Variants in HECW1 observed in about 807,000 individuals in gnomAD.
The protein encoded by HECW1 is E3 ubiquitin-protein ligase HECW1.
Under a neutral mutation model 182.3 loss-of-function variants are expected in HECW1, and 61 were observed. That is an observed-to-expected ratio of 0.33 (90% CI 0.27 to 0.41). HECW1 has a LOEUF of 0.41. Among genes scored for constraint, HECW1 ranks in the 10% least tolerant of loss-of-function variants. HECW1 has a pLI of 1.00. For synonymous variants in HECW1, 859 were observed against 832.6 expected (o/e 1.03, Z -0.55); for missense variants, 1,739 against 2,108.9 (o/e 0.82, Z 3.44).
chr7:43,221,466 GC>G (rs1584036257), intron 2 of HECW1, among the ~76,000 whole-genome samples: 2 of 144,864 alleles, frequency 1.4e-5, no homozygotes, highest in Non-Finnish European at 1.5e-5. Context: ...ATCTCTTAAA[GC>G]CTGTAATGCT....
intron 5 of HECW1, among the ~76,000 whole-genome samples, chr7:43,349,899 G>A (rs970183881): frequency 1.3e-5 from 2 of 152,018 alleles, no homozygotes; most frequent in Non-Finnish European, 2.9e-5. Context: ...GTTCTTTGTT[G>A]CCTGTGTACT....
chr7:43,389,682 C>T (rs1452572641), intron 6 of HECW1, among the ~76,000 whole-genome samples: 1 of 151,940 alleles, frequency 6.6e-6, no homozygotes, highest in Non-Finnish European at 1.5e-5. Context: ...ATTCTGTCAC[C>T]CAGGCTGGAG....
At chr7:43,383,002 A>G (rs1220048524) in intron 6 of HECW1, among the ~76,000 whole-genome samples, 1 of 151,466 alleles carries the variant, frequency 6.6e-6, no homozygotes, top group African/African-American at 2.4e-5. Context: ...TCATTTTTCA[A>G]CTCCCACTTA....
chr7:43,356,081 T>C (rs573329201), intron 5 of HECW1, among the ~76,000 whole-genome samples: 105 of 152,100 alleles, frequency 6.9e-4, no homozygotes, highest in Non-Finnish European at 6.0e-4. Flanking sequence ...AATATAAATA[T>C]GCTCAATTCT....
intron 26 of HECW1, among the ~76,000 whole-genome samples, chr7:43,544,886 AT>A (rs1315188113): frequency 6.6e-6 from 1 of 152,246 alleles, no homozygotes; most frequent in East Asian, 1.9e-4. Flanking sequence ...CTAAATTGGC[AT>A]GAAAAATGTC....
rs542630589 is a variant in HECW1, at chr7:43,499,480, A to G, written c.3438-1219A>G. ...CAAGACTCTGTCTCAAAAAAAAAAG[A>G]AAGAAAGAAAGAAAGAAAACAAAAG... On this transcript the variant is annotated intron_variant, in intron 19 of 29. Coordinates refer to ENST00000395891, the MANE Select transcript of HECW1 (RefSeq NM_015052.5). Among the ~76,000 whole-genome samples the G allele has an allele frequency of 1.9e-4, 27 of 143,048 alleles. No homozygotes were observed. The East Asian group carries it at 4.6e-3, about 24-fold the overall frequency. 93.8% of individuals were successfully genotyped at this position (143,048 alleles called of 152,430 possible). A position where few individuals can be genotyped will look rare whatever the true frequency, so the allele number is the denominator to read the frequency against.
At position 43,330,077 on chromosome 7, in the gene HECW1, C is replaced by G. The variant is rs903268555; in HGVS notation, c.460+9335C>G. Among the ~76,000 whole-genome samples the G allele has an allele frequency of 2.6e-5, 4 of 152,118 alleles. No homozygotes were observed. The East Asian group carries it at 7.7e-4, about 29-fold the overall frequency. ...ATGGAGTTAGGCAGGTTAAGGGTGG[C>G]CATAAATTCCCTGATGCTCCTCCTA... On this transcript the variant is annotated intron_variant, in intron 5 of 29. Transcript: ENST00000395891.
intron 3 of HECW1, among the ~76,000 whole-genome samples, chr7:43,304,664 T>C (rs1446797671): frequency 2.0e-5 from 3 of 152,060 alleles, no homozygotes; most frequent in Non-Finnish European, 2.9e-5. Context: ...GCTAATTTTT[T>C]TGTATTTTTA....
chr7:43,265,472 A>G (rs1801673434), intron 3 of HECW1, among the ~76,000 whole-genome samples: 1 of 152,212 alleles, frequency 6.6e-6, no homozygotes, highest in Non-Finnish European at 1.5e-5. Flanking sequence ...ATCAGATAAC[A>G]TAAGTTTATG....
chr7:43,411,348 C>T (rs1193144480), intron 8 of HECW1, among the ~76,000 whole-genome samples: 2 of 152,090 alleles, frequency 1.3e-5, no homozygotes, highest in African/African-American at 4.8e-5. Flanking sequence ...AGAACATACT[C>T]TATATGATTG....
intron 2 of HECW1, among the ~76,000 whole-genome samples, chr7:43,124,004 G>T (rs1308500090): frequency 1.3e-5 from 2 of 152,212 alleles, no homozygotes; most frequent in East Asian, 3.8e-4. Context: ...AACCCAAATT[G>T]TATCTACAGG....
At chr7:43,560,507 G>C (rs1034254469) in intron 29 of HECW1, among the ~76,000 whole-genome samples, 1 of 152,044 alleles carries the variant, frequency 6.6e-6, no homozygotes, top group Admixed American at 6.6e-5. Flanking sequence ...CTGCCAGGAG[G>C]AGGAATGGGT....
At chr7:43,319,608 T>C (rs1809829001) in intron 4 of HECW1, among the ~76,000 whole-genome samples, 1 of 107,182 alleles carries the variant, frequency 9.3e-6, no homozygotes, top group African/African-American at 4.5e-5. Context: ...TTTCTTTTTT[T>C]TTTTTTTTTT....
At chr7:43,166,179 G>T (rs1466277414) in intron 2 of HECW1, among the ~76,000 whole-genome samples, 1 of 152,186 alleles carries the variant, frequency 6.6e-6, no homozygotes, top group Non-Finnish European at 1.5e-5. Flanking sequence ...TGCCTCCTGG[G>T]TTCAAGCAAT....
chr7:43,541,260 C>T lies in HECW1; in HGVS notation c.4117C>T (p.Leu1373=). The change falls in exon 25 of 30, where the codon CTG becomes TTG. Residue 1373 remains leucine (L), a splice_region_variant and synonymous_variant. Transcript: ENST00000395891. ...GCCCTTCTACAAGGCACTCCTGAGA[C>T]TGTAAGTGCTTTGCAGACCATGCTT... ...TRPFYKALLR[L]PCDLSDLEYL... The T allele has an allele frequency of 6.2e-7, 1 of 1,611,058 alleles. No homozygotes were observed. The highest frequency in any genetic ancestry group is 8.5e-7 in the Non-Finnish European group (1 of 1,177,216).
At chr7:43,407,259 T>C (rs988663860) in intron 7 of HECW1, among the ~76,000 whole-genome samples, 1 of 152,170 alleles carries the variant, frequency 6.6e-6, no homozygotes, top group African/African-American at 2.4e-5. Context: ...TTCTCTCACC[T>C]TACTCAGTGA....
chr7:43,477,012 G>A (rs977422871), intron 16 of HECW1, among the ~76,000 whole-genome samples: 1 of 152,032 alleles, frequency 6.6e-6, no homozygotes, highest in African/African-American at 2.4e-5. Flanking sequence ...TTAACATCCC[G>A]ACAACAATAG....
chr7:43,320,232 A>AT (rs1208733512), intron 4 of HECW1, among the ~76,000 whole-genome samples: 2 of 152,082 alleles, frequency 1.3e-5, no homozygotes, highest in Non-Finnish European at 2.9e-5. Flanking sequence ...CCAAAGGGAG[A>AT]TTTTTTCTTT....
chr7:43,258,832 C>T (rs926099703), intron 3 of HECW1: 1 of 152,144 alleles, frequency 6.6e-6, no homozygotes, highest in Non-Finnish European at 1.5e-5. Context: ...AGTTGGGCAA[C>T]AGTTACATTG....
Sources: allele counts gnomAD v4.1 joint callset (sites outside exome capture counted in the v4.1 genomes callset), GRCh38; gene constraint gnomAD v4.1.1; transcripts MANE v1.5; gene names NCBI Gene and HGNC (gene_info 2026-07-23, HGNC 2026-07-21).